Variants in ADGRL4 observed in about 807,000 individuals in gnomAD.
The protein encoded by ADGRL4 is EGF, latrophilin and seven transmembrane domain containing 1.
Under a neutral mutation model 74.8 loss-of-function variants are expected in ADGRL4, and 90 were observed. The observed-to-expected ratio is 1.20, with a 90% CI of 1.02 to 1.43. The LOEUF (loss-of-function observed/expected upper bound fraction) is 1.43, where lower values mean the gene tolerates loss of function less well. ADGRL4 is among the 40% of genes most tolerant of loss of function. The pLI is 0.00. For synonymous variants in ADGRL4, 311 were observed against 279.2 expected (o/e 1.11, Z -1.14); for missense variants, 881 against 814.3 (o/e 1.08, Z -1.00).
At chr1:78,908,749 CATCTT>C (rs1240156526) in intron 12 of ADGRL4, among the ~76,000 whole-genome samples, 1 of 151,924 alleles carries the variant, frequency 6.6e-6, no homozygotes, top group Non-Finnish European at 1.5e-5. Context: ...CGATGAATCT[CATCTT>C]AACCAGTTAT....
intron 12 of ADGRL4, among the ~76,000 whole-genome samples, chr1:78,893,829 T>C (rs903436861): frequency 5.9e-5 from 9 of 152,022 alleles, no homozygotes; most frequent in African/African-American, 1.7e-4. Flanking sequence ...TTTTGTAATA[T>C]GGGCTAAATA....
At chr1:78,920,108 A>G (rs1648964209) in intron 10 of ADGRL4, 75 bp downstream of exon 10, 1 of 1,098,732 alleles carries the variant, frequency 9.1e-7, no homozygotes. Context: ...ATTACAAATA[A>G]TGTTTCTAGG....
intron 2 of ADGRL4, among the ~76,000 whole-genome samples, chr1:79,000,244 C>A (rs1012043870): frequency 6.6e-6 from 1 of 152,058 alleles, no homozygotes; most frequent in Admixed American, 6.5e-5. Flanking sequence ...TTGGGAAAAT[C>A]CAAAATCATA....
rs141114379 is a variant in ADGRL4, at chr1:78,991,846, C to T, written c.172+13224G>A. ...GCAAAAAGGGATTAACTTGCTAGTACGGTGTGAAGGAATAATATGGTTCCA... is the reference window on the plus strand; with the variant it reads ...GCAAAAAGGGATTAACTTGCTAGTATGGTGTGAAGGAATAATATGGTTCCA... On this transcript the variant is annotated intron_variant, in intron 2 of 14. Transcript: ENST00000370742. Among the ~76,000 whole-genome samples the T allele has an allele frequency of 3.4e-3, 519 of 152,024 alleles. 4 individuals carry two copies. The highest frequency in any genetic ancestry group is 0.012 in the African/African-American group (501 of 41,534).
rs766900827 is a variant in ADGRL4, at chr1:78,938,010, C to T, written c.577-20G>A. On this transcript the variant is annotated intron_variant, in intron 5 of 14. Coordinates refer to ENST00000370742, the MANE Select transcript of ADGRL4 (RefSeq NM_022159.4). The stretch of plus-strand genomic sequence containing the variant: ...AAATTCCTATTGAAAAAAAGTATGT[C>T]TTTTAGAAATGTTGGAATCCTACAC... 21 of 1,607,120 alleles carry T rather than the reference C, an allele frequency of 1.3e-5. No homozygotes were observed. Among genetic ancestry groups the T allele is most frequent in the South Asian group, 4.5e-5 (4 of 89,680 alleles).
intron 8 of ADGRL4, among the ~76,000 whole-genome samples, chr1:78,924,580 C>T (rs1045338385): frequency 6.6e-6 from 1 of 151,932 alleles, no homozygotes; most frequent in Non-Finnish European, 1.5e-5. Context: ...AGGATGTCTC[C>T]AAGACAACAA....
At chr1:78,958,486 G>A (rs1259940654) in intron 2 of ADGRL4, among the ~76,000 whole-genome samples, 1 of 152,144 alleles carries the variant, frequency 6.6e-6, no homozygotes, top group African/African-American at 2.4e-5. Flanking sequence ...AGATGACTTG[G>A]AGGGGTTCAA....
At chr1:78,920,451 C>A (rs1296850229) in intron 9 of ADGRL4, 65 bp from the exon 10 acceptor site, 1 of 945,358 alleles carries the variant, frequency 1.1e-6, no homozygotes, top group African/African-American at 1.7e-5. Flanking sequence ...GGAACTACAA[C>A]ATATAATGAA....
rs574760157 is a variant in ADGRL4 at position 78,923,215 on chromosome 1, T to C, written c.1084-1429A>G. 4.1e-4 allele frequency among the ~76,000 whole-genome samples: 62 copies of C among 152,154 alleles called. No individual in the cohort carries two copies. The South Asian group carries it at 0.012, about 29-fold the overall frequency. Reference sequence around the variant, plus strand: ...TTGAGGAGCCAGACTGAACTGTGATTGTGCGTACCATTCAAAAACAGAGTT... The same window carrying C: ...TTGAGGAGCCAGACTGAACTGTGATCGTGCGTACCATTCAAAAACAGAGTT... On this transcript the variant is annotated intron_variant, in intron 8 of 14. Coordinates refer to ENST00000370742, the MANE Select transcript of ADGRL4 (RefSeq NM_022159.4).
intron 2 of ADGRL4, among the ~76,000 whole-genome samples, chr1:78,980,783 A>C (rs1413364813): frequency 6.6e-6 from 1 of 151,954 alleles, no homozygotes; most frequent in Non-Finnish European, 1.5e-5. Flanking sequence ...AAACTACACT[A>C]TTTATAAAAA....
chr1:78,985,267 G>A (rs935428910), intron 2 of ADGRL4, among the ~76,000 whole-genome samples: 1 of 151,412 alleles, frequency 6.6e-6, no homozygotes, highest in Admixed American at 6.6e-5. Context: ...ATTTTGATAG[G>A]TGTCCATGCA....
At chr1:78,939,314 C>G (rs993358957) in intron 3 of ADGRL4, 56 bp from the exon 4 acceptor site, 12 of 1,405,956 alleles carry the variant, frequency 8.5e-6, no homozygotes, top group African/African-American at 2.9e-5. Flanking sequence ...TTTTCCTAAG[C>G]TGATCATATC....
intron 3 of ADGRL4, among the ~76,000 whole-genome samples, chr1:78,944,144 C>T (rs187180060): frequency 9.2e-5 from 14 of 152,012 alleles, no homozygotes; most frequent in Middle Eastern, 3.4e-3. Context: ...GAACATGAAC[C>T]GAGAAATGTA....
At chr1:78,970,955 C>T (rs1045395939) in intron 2 of ADGRL4, among the ~76,000 whole-genome samples, 2 of 152,144 alleles carry the variant, frequency 1.3e-5, no homozygotes, top group African/African-American at 4.8e-5. Context: ...CTTTTGGTCT[C>T]CCTCTCCCTA....
chr1:78,987,392 G>A (rs572102589), intron 2 of ADGRL4, among the ~76,000 whole-genome samples: 7,756 of 151,694 alleles, frequency 0.051, 261 homozygotes, highest in African/African-American at 0.098. Context: ...TGTAATGTAA[G>A]GTGGGGTAAA....
intron 2 of ADGRL4, among the ~76,000 whole-genome samples, chr1:78,994,158 G>A (rs776412275): frequency 5.3e-5 from 8 of 152,106 alleles, no homozygotes; most frequent in Non-Finnish European, 1.2e-4. Flanking sequence ...AATGAAGTAG[G>A]AAAACAAAGA....
chr1:78,955,377 A>G (rs1649807666), intron 2 of ADGRL4, among the ~76,000 whole-genome samples: 1 of 151,394 alleles, frequency 6.6e-6, no homozygotes, highest in South Asian at 2.1e-4. Context: ...ATTGTTTTTA[A>G]CTTTATTTGT....
Position 78,961,599 on chromosome 1 carries a change from C to T in ADGRL4, c.173-15173G>A, listed in dbSNP as rs537482962. 3.9e-5 allele frequency among the ~76,000 whole-genome samples: 6 copies of T among 152,248 alleles called. No individual in the cohort carries two copies. The East Asian group carries it at 5.8e-4, about 15-fold the overall frequency. On this transcript the variant is annotated intron_variant, in intron 2 of 14. Transcript: ENST00000370742. ...TAGTAAAGTTTCACTTTCTAAGATG[C>T]CATTTGATAATGACCTACTGTCTGC...
chr1:78,983,315 A>ACCC (rs1378825372), intron 2 of ADGRL4, among the ~76,000 whole-genome samples: 2 of 151,856 alleles, frequency 1.3e-5, no homozygotes, highest in East Asian at 3.9e-4. Context: ...AAACAGACTT[A>ACCC]TTGGATATAG....
Sources: gnomAD v4.1 joint callset for allele counts (sites outside exome capture counted in the v4.1 genomes callset) on GRCh38, gnomAD v4.1.1 for gene constraint, MANE v1.5 for transcripts, NCBI Gene and HGNC (gene_info 2026-07-23, HGNC 2026-07-21) for gene names.